Variants in PDZRN3 observed in about 807,000 individuals in gnomAD.
PDZRN3 encodes PDZ domain containing ring finger 3.
Under a neutral mutation model 85.7 loss-of-function variants are expected in PDZRN3, and 38 were observed. That is an observed-to-expected ratio of 0.44 (90% CI 0.34 to 0.58). The LOEUF (loss-of-function observed/expected upper bound fraction) is 0.58, where lower values mean the gene tolerates loss of function less well. Among genes scored for constraint, PDZRN3 ranks in the 20% least tolerant of loss-of-function variants. The pLI, the probability that PDZRN3 is intolerant of heterozygous loss-of-function variation, is 0.01. For synonymous variants in PDZRN3, 759 were observed against 638.0 expected, an observed-to-expected ratio of 1.19 and a Z score of -2.86; for missense variants, 1,629 against 1,506.4, an observed-to-expected ratio of 1.08 and a Z score of -1.35.
intron 3 of PDZRN3, among the ~76,000 whole-genome samples, chr3:73,441,433 A>AAAAAAG (rs1324187618): frequency 2.7e-5 from 4 of 149,886 alleles, no homozygotes; most frequent in African/African-American, 9.8e-5. Flanking sequence ...AAAAAAAAAA[A>AAAAAAG]GTAAAATACA....
At chr3:73,454,236 A>C (rs1245415790) in intron 3 of PDZRN3, among the ~76,000 whole-genome samples, 2 of 152,196 alleles carry the variant, frequency 1.3e-5, no homozygotes, top group Non-Finnish European at 2.9e-5. Flanking sequence ...ACCACCATCT[A>C]TACAAACCCA....
intron 3 of PDZRN3, chr3:73,474,513 A>G: frequency 1.6e-6 from 2 of 1,288,664 alleles, no homozygotes; most frequent in South Asian, 2.5e-5. Flanking sequence ...GAACAATAAG[A>G]TCATCCTCTT....
At chr3:73,408,959 G>C (rs9819789) in intron 3 of PDZRN3, among the ~76,000 whole-genome samples, 1 of 151,964 alleles carries the variant, frequency 6.6e-6, no homozygotes, top group African/African-American at 2.4e-5. Flanking sequence ...CGTTTGGCCC[G>C]GTCAAATTCA....
intron 3 of PDZRN3, among the ~76,000 whole-genome samples, chr3:73,467,692 T>G (rs1240978515): frequency 6.6e-6 from 1 of 152,242 alleles, no homozygotes; most frequent in African/African-American, 2.4e-5. Flanking sequence ...ACAGTAGAAC[T>G]CAGCTAGCAT....
At chr3:73,518,229 C>T (rs993633648) in intron 3 of PDZRN3, among the ~76,000 whole-genome samples, 15 of 152,182 alleles carry the variant, frequency 9.9e-5, no homozygotes, top group Non-Finnish European at 2.1e-4. Context: ...GAGGACCTTA[C>T]ACTAAGTGAA....
chr3:73,538,734 T>C (rs1704848010), intron 3 of PDZRN3, among the ~76,000 whole-genome samples: 1 of 152,188 alleles, frequency 6.6e-6, no homozygotes, highest in Non-Finnish European at 1.5e-5. Flanking sequence ...ATAGAACATT[T>C]GATTGTTTCA....
Position 73,472,831 on chromosome 3 carries a change from A to C in PDZRN3, c.919-68436T>G, listed in dbSNP as rs896826988. ...AGCAAGTAAATTGTCAAAAACACCA[A>C]AAGTTTAATATGTGTGCTTGTATAA... On this transcript the variant is annotated intron_variant, in intron 3 of 9. Coordinates refer to ENST00000263666, the MANE Select transcript of PDZRN3 (RefSeq NM_015009.3). 2.3e-4 allele frequency among the ~76,000 whole-genome samples: 35 copies of C among 152,222 alleles called. 1 individual carries two copies. Among genetic ancestry groups the C allele is most frequent in the Non-Finnish European group, 1.5e-4 (10 of 68,046 alleles).
intron 3 of PDZRN3, among the ~76,000 whole-genome samples, chr3:73,431,472 C>G (rs183917110): frequency 6.6e-6 from 1 of 152,170 alleles, no homozygotes; most frequent in African/African-American, 2.4e-5. Context: ...CCAGACGCAC[C>G]GGACCTTCTG....
intron 3 of PDZRN3, among the ~76,000 whole-genome samples, chr3:73,509,996 T>A (rs1704134916): frequency 6.6e-6 from 1 of 152,250 alleles, no homozygotes; most frequent in East Asian, 1.9e-4. Context: ...AAGCCATTTG[T>A]TTCTTCTACC....
chr3:73,417,148 C>A, intron 3 of PDZRN3, among the ~76,000 whole-genome samples: 1 of 152,068 alleles, frequency 6.6e-6, no homozygotes, highest in Admixed American at 6.5e-5. Context: ...CAGGCATGAG[C>A]CACCACACCT....
chr3:73,536,755 C>T (rs900711552), intron 3 of PDZRN3, among the ~76,000 whole-genome samples: 23 of 151,878 alleles, frequency 1.5e-4, no homozygotes, highest in Admixed American at 5.2e-4. Context: ...AGAGGTTTTC[C>T]ACATTCAAGA....
At chr3:73,612,583 G>T (rs1242146942) in intron 1 of PDZRN3, among the ~76,000 whole-genome samples, 1 of 152,190 alleles carries the variant, frequency 6.6e-6, no homozygotes, top group Admixed American at 6.5e-5. Context: ...ATTGCATCTG[G>T]CAAGGAAGCA....
chr3:73,384,118 T>G lies in PDZRN3; in HGVS notation c.2448A>C (p.Glu816Asp). 1 of 1,614,088 alleles carries G rather than the reference T, an allele frequency of 6.2e-7. No homozygotes were observed. Among genetic ancestry groups the G allele is most frequent in the Non-Finnish European group, 8.5e-7 (1 of 1,180,024 alleles). The change falls in exon 10 of 10, where the codon GAA (glutamate) becomes GAC (aspartate). Residue 816 changes from glutamate (E) to aspartate (D), a missense_variant. Coordinates refer to ENST00000263666, the MANE Select transcript of PDZRN3 (RefSeq NM_015009.3). ...ACGGGCTATAGGTAGGGGTGCCCAC[T>G]TCGGGATCTTCCGTGATGGAGAGCA... Reference protein sequence around the residue: ...KNLLSITEDPEVGTPTYSPSL... With the variant: ...KNLLSITEDPDVGTPTYSPSL...
Position 73,387,117 on chromosome 3 carries a change from G to A in PDZRN3, c.1518+851C>T, listed in dbSNP as rs144188844. ...TGCTGCCACGTAAGACGTGCCTTTT[G>A]CCTTCCACCATGATTGTGAGGCCTC... On this transcript the variant is annotated intron_variant, in intron 8 of 9. Transcript: ENST00000263666. Among the ~76,000 whole-genome samples, 928 of 152,232 alleles carry A rather than the reference G, an allele frequency of 6.1e-3. 10 individuals carry two copies. The highest frequency in any genetic ancestry group is 6.1e-3 in the Non-Finnish European group (416 of 68,018).
chr3:73,568,515 C>G (rs186397126), intron 3 of PDZRN3, among the ~76,000 whole-genome samples: 2 of 152,300 alleles, frequency 1.3e-5, no homozygotes, highest in East Asian at 3.9e-4. Flanking sequence ...GAGAGTCGCT[C>G]TCCTACAAAA....
chr3:73,549,654 C>T (rs953007912), intron 3 of PDZRN3, among the ~76,000 whole-genome samples: 3 of 152,082 alleles, frequency 2.0e-5, no homozygotes, highest in Non-Finnish European at 4.4e-5. Context: ...TCCCAAGAAT[C>T]GGAGAAAGAG....
In PDZRN3 at chr3:73,402,990, C is replaced by A. The variant is rs1308618306; in HGVS notation, c.1166+1158G>T. ...ACGGAGTCTCGCTCTGTTGCCCAGG[C>A]TGGAGTGCAGTGGCATGATCTCGGC... On this transcript the variant is annotated intron_variant, in intron 4 of 9. Transcript: ENST00000263666. Among the ~76,000 whole-genome samples the A allele has an allele frequency of 2.8e-5, 4 of 144,470 alleles. No individual in the cohort carries two copies. The East Asian group carries it at 8.0e-4, about 29-fold the overall frequency. The allele number at this position is 144,470 out of a possible 152,430, so 94.8% of individuals were successfully genotyped here.
chr3:73,513,072 G>A (rs1276761689), intron 3 of PDZRN3, among the ~76,000 whole-genome samples: 1 of 152,100 alleles, frequency 6.6e-6, no homozygotes, highest in Non-Finnish European at 1.5e-5. Context: ...GTGTTGCGGA[G>A]GCTGCAGCCA....
In PDZRN3 at chr3:73,383,412, C is replaced by T. The variant is rs755552126; in HGVS notation, c.3154G>A (p.Asp1052Asn). 40 of 1,613,960 alleles carry T rather than the reference C, an allele frequency of 2.5e-5. No homozygotes were observed. The Middle Eastern group carries it at 9.9e-4, about 40-fold the overall frequency. Residue 1052 changes from aspartate (D) to asparagine (N), a missense_variant, in exon 10 of 10, where the codon GAC (aspartate) becomes AAC (asparagine). Coordinates refer to ENST00000263666, the MANE Select transcript of PDZRN3 (RefSeq NM_015009.3). ...AAGGAATTGTATACTCTAGTGCCGT[C>T]CGGGGATTTTGTGCCGTGGGTTAAG... ...ELLTHGTKSP[D>N]GTRVYNSFLS...
Sources: allele counts gnomAD v4.1 joint callset (sites outside exome capture counted in the v4.1 genomes callset), GRCh38; gene constraint gnomAD v4.1.1; transcripts MANE v1.5; gene names NCBI Gene and HGNC (gene_info 2026-07-23, HGNC 2026-07-21).